Variants in CD99L2 observed in about 807,000 individuals in gnomAD.
CD99L2 encodes the protein CD99 molecule like 2.
Under a neutral mutation model 27.3 loss-of-function variants are expected in CD99L2, and 24 were observed. The ratio of observed to expected loss-of-function variants is 0.88; its 90% CI spans 0.64 to 1.24. CD99L2 has a LOEUF of 1.24. Ranked by LOEUF, CD99L2 falls within the 50% of genes most tolerant of loss-of-function variation. The probability of loss-of-function intolerance (pLI) is 0.00; values close to 1 mark genes in which losing one functional copy is unlikely to be tolerated. For missense variants in CD99L2, 255 were observed against 221.6 expected (o/e 1.15, Z -0.96); for synonymous variants, 97 against 87.9 (o/e 1.10, Z -0.58).
intron 1 of CD99L2, among the ~76,000 whole-genome samples, chrX:150,889,875 G>A (rs2047474665): frequency 8.9e-6 from 1 of 112,333 alleles, no homozygotes; most frequent in Non-Finnish European, 1.9e-5. Context: ...CTTGCTAGCC[G>A]GGCGCGGTGG....
At chrX:150,878,481 C>G (rs1306877711) in intron 1 of CD99L2, among the ~76,000 whole-genome samples, 1 of 97,520 alleles carries the variant, frequency 1.0e-5, no homozygotes, top group African/African-American at 3.8e-5. Context: ...ACAAAGACAA[C>G]AGAACTAAAT....
intron 1 of CD99L2, among the ~76,000 whole-genome samples, chrX:150,894,128 C>G (rs2047566287): frequency 8.9e-6 from 1 of 111,802 alleles, no homozygotes; most frequent in Admixed American, 9.5e-5. Context: ...AACAGAAACC[C>G]CTTGCCCATT....
chrX:150,888,155 A>G (rs1265748043), intron 1 of CD99L2, among the ~76,000 whole-genome samples: 1 of 111,987 alleles, frequency 8.9e-6, no homozygotes, highest in Non-Finnish European at 1.9e-5. Flanking sequence ...TTCTGGGGCC[A>G]AGTCATAAAA....
chrX:150,845,227 T>G (rs184204072), intron 1 of CD99L2, among the ~76,000 whole-genome samples: 1 of 111,523 alleles, frequency 9.0e-6, no homozygotes, highest in East Asian at 2.8e-4. Context: ...AGGGAACTAC[T>G]TAGCAAAAGA....
At chrX:150,802,049 T>C (rs1449682311) in intron 4 of CD99L2, among the ~76,000 whole-genome samples, 1 of 111,853 alleles carries the variant, frequency 8.9e-6, no homozygotes, top group Non-Finnish European at 1.9e-5. Flanking sequence ...ATGTCTAGCA[T>C]TGCAATATGA....
intron 1 of CD99L2, among the ~76,000 whole-genome samples, chrX:150,856,937 T>C (rs781896354): frequency 5.5e-5 from 6 of 108,524 alleles, no homozygotes; most frequent in African/African-American, 2.0e-4. Context: ...AAACAGAAAT[T>C]CTGGAAGTGA....
intron 4 of CD99L2, among the ~76,000 whole-genome samples, chrX:150,813,442 G>GA (rs2046102863): frequency 9.0e-6 from 1 of 111,678 alleles, no homozygotes; most frequent in African/African-American, 3.2e-5. Context: ...TAGGTAAACA[G>GA]AAAGTTGAGA....
At chrX:150,773,647 T>A (rs1477040842) in intron 9 of CD99L2, among the ~76,000 whole-genome samples, 2 of 112,279 alleles carry the variant, frequency 1.8e-5, no homozygotes, top group Admixed American at 9.4e-5. Context: ...AGGAACAGGG[T>A]CTTTGCAGGT....
In CD99L2 at chrX:150,767,188, C is replaced by A. The variant is rs941662732; in HGVS notation, c.*1846G>T. 8 of 111,955 alleles carry A rather than the reference C, an allele frequency of 7.1e-5. No individual in the cohort carries two copies. Among genetic ancestry groups the A allele is most frequent in the African/African-American group, 2.6e-4 (8 of 30,716 alleles). 9.2% of individuals were successfully genotyped at this position (111,955 alleles called of 1,213,427 possible). A position where few individuals can be genotyped will look rare whatever the true frequency, so the allele number is the denominator to read the frequency against. On this transcript the variant is annotated 3_prime_UTR_variant, in exon 11 of 11. Transcript: ENST00000370377. ...AGAGGGTGGGGCCATCGGTTCTCGA[C>A]ATACTTGGTATCAGGGAGGGACAAG...
intron 3 of CD99L2, among the ~76,000 whole-genome samples, chrX:150,815,193 C>T (rs1316072788): frequency 2.7e-5 from 3 of 111,939 alleles, no homozygotes; most frequent in Non-Finnish European, 5.6e-5. Flanking sequence ...TAGGTATTTT[C>T]TGCTTAGGCT....
At chrX:150,824,265 A>AGG (rs2046302266) in intron 2 of CD99L2, among the ~76,000 whole-genome samples, 1 of 50,641 alleles carries the variant, frequency 2.0e-5, no homozygotes, top group African/African-American at 9.0e-5. Context: ...AGGAAGAAGG[A>AGG]AGGAGGAGGA....
rs782262755 is a variant in CD99L2, at chrX:150,898,532, C to G, written c.57G>C (p.Leu19=). 2 of 1,111,601 alleles carry G rather than the reference C, an allele frequency of 1.8e-6. No individual in the cohort carries two copies. Among genetic ancestry groups the G allele is most frequent in the South Asian group, 2.1e-5 (1 of 47,839 alleles). The allele number at this position is 1,111,601 out of a possible 1,213,427, so 91.6% of individuals were successfully genotyped here. A position where few individuals can be genotyped will look rare whatever the true frequency, so the allele number is the denominator to read the frequency against. Residue 19 remains leucine, a synonymous_variant, in exon 1 of 11, where the codon CTG becomes CTC. Coordinates refer to ENST00000370377, the MANE Select transcript of CD99L2 (RefSeq NM_031462.4). ...CCCCGCCCGCCTTACCTCGCTGGAC[C>G]AGGGTGGCCAAGGAGAAAGCGAGGC... ...LVCLAFSLAT[L]VQRGSGDFDD...
chrX:150,898,451 G>A, intron 1 of CD99L2, 71 bp downstream of exon 1: 1 of 904,761 alleles, frequency 1.1e-6, no homozygotes, highest in South Asian at 2.8e-5. Flanking sequence ...TGCCGCTCAT[G>A]CGCAGAGCGA....
At position 150,892,652 on chromosome X, in the gene CD99L2, C is replaced by T. The variant is rs185470266; in HGVS notation, c.67+5870G>A. Among the ~76,000 whole-genome samples the T allele has an allele frequency of 3.9e-3, 403 of 103,662 alleles. 8 individuals are homozygous for T. In the East Asian group the frequency reaches 0.053, roughly 14 times the overall value. The allele number at this position is 103,662 out of a possible 115,157, so 90.0% of individuals were successfully genotyped here. A position where few individuals can be genotyped will look rare whatever the true frequency, so the allele number is the denominator to read the frequency against. ...AAAAAGAACAGAACAGGAAAGTCGA[C>T]GTATCTGGAAGGTATCTCTCCTAAA... On this transcript the variant is annotated intron_variant, in intron 1 of 10. Coordinates refer to ENST00000370377, the MANE Select transcript of CD99L2 (RefSeq NM_031462.4).
chrX:150,849,285 C>G (rs1220647789), intron 1 of CD99L2, among the ~76,000 whole-genome samples: 1 of 111,671 alleles, frequency 9.0e-6, no homozygotes, highest in Non-Finnish European at 1.9e-5. Context: ...GGCACGGTGG[C>G]TCATGACTGT....
intron 4 of CD99L2, among the ~76,000 whole-genome samples, chrX:150,813,191 A>G (rs1265466295): frequency 9.0e-6 from 1 of 111,596 alleles, no homozygotes; most frequent in African/African-American, 3.3e-5. Flanking sequence ...ACAAACCTAC[A>G]CACGTGATAA....
intron 1 of CD99L2, among the ~76,000 whole-genome samples, chrX:150,876,291 G>A (rs977525017): frequency 1.8e-5 from 2 of 112,073 alleles, no homozygotes; most frequent in Non-Finnish European, 3.8e-5. Flanking sequence ...ATATTGTCAC[G>A]AAGAAGGGTG....
chrX:150,802,581 C>CG (rs2045925424), intron 4 of CD99L2, among the ~76,000 whole-genome samples: 1 of 87,862 alleles, frequency 1.1e-5, no homozygotes, highest in Non-Finnish European at 2.2e-5. Context: ...AAAGAAAAGA[C>CG]AATTTTTTTT....
chrX:150,770,015 G>C (rs1265639625), intron 10 of CD99L2, among the ~76,000 whole-genome samples: 1 of 113,050 alleles, frequency 8.8e-6, no homozygotes, highest in East Asian at 2.8e-4. Flanking sequence ...CGCTGATGGG[G>C]AGCAGAGGTG....
Sources: gnomAD v4.1 joint callset for allele counts (sites outside exome capture counted in the v4.1 genomes callset) on GRCh38, gnomAD v4.1.1 for gene constraint, MANE v1.5 for transcripts, NCBI Gene and HGNC (gene_info 2026-07-23, HGNC 2026-07-21) for gene names.